Variants in WLS observed in about 807,000 individuals in gnomAD.
WLS encodes the protein Wnt ligand secretion mediator.
A neutral mutation model predicts 62.8 loss-of-function variants in WLS; 23 were observed. The ratio of observed to expected loss-of-function variants is 0.37; its 90% CI spans 0.26 to 0.52. The LOEUF (loss-of-function observed/expected upper bound fraction) is 0.52. WLS is among the 20% of genes least tolerant of loss of function. The pLI, the probability that WLS is intolerant of heterozygous loss-of-function variation, is 0.92. For missense variants in WLS, 615 were observed against 697.3 expected, an observed-to-expected ratio of 0.88 and a Z score of 1.33; for synonymous variants, 246 against 244.1, an observed-to-expected ratio of 1.01 and a Z score of -0.07.
At chr1:68,160,103 G>T (rs568564995) in intron 2 of WLS, among the ~76,000 whole-genome samples, 3 of 103,184 alleles carry the variant, frequency 2.9e-5, no homozygotes, top group African/African-American at 6.8e-5. Flanking sequence ...TGAGTATAAA[G>T]GTTTAATTCT....
At chr1:68,141,744 C>T (rs1235938454) in intron 10 of WLS, 2 of 152,160 alleles carry the variant, frequency 1.3e-5, no homozygotes, top group Non-Finnish European at 2.9e-5. Flanking sequence ...AATAGGTTTC[C>T]TTTCAGGTGA....
downstream of WLS, among the ~76,000 whole-genome samples, chr1:68,121,500 T>C (rs1376945306): frequency 5.3e-5 from 8 of 152,196 alleles, no homozygotes; most frequent in Non-Finnish European, 8.8e-5. Context: ...GGCCCCCCGA[T>C]GTCAGCAGAA....
chr1:68,230,674 G>C (rs924997705), intron 1 of WLS, among the ~76,000 whole-genome samples: 8 of 152,098 alleles, frequency 5.3e-5, no homozygotes, highest in African/African-American at 1.9e-4. Context: ...GGGGATAAGA[G>C]ATTGTTTGAA....
chr1:68,106,716 C>CTGTGTGTGTGTGTGTGTG (rs59601112), intron 11 of WLS, among the ~76,000 whole-genome samples: 5 of 146,712 alleles, frequency 3.4e-5, no homozygotes, highest in African/African-American at 7.6e-5. Flanking sequence ...GTGTTTGTCA[C>CTGTGTGTGTGTGTGTGTG]TGTGTGTGTG....
chr1:68,204,941 G>A (rs963545590), intron 1 of WLS, among the ~76,000 whole-genome samples: 1 of 152,218 alleles, frequency 6.6e-6, no homozygotes, highest in Admixed American at 6.5e-5. Context: ...ACTAAGCACA[G>A]AAACTTAAAC....
chr1:68,137,747 G>C, intron 11 of WLS, 33 bp downstream of exon 11: 1 of 1,604,746 alleles, frequency 6.2e-7, no homozygotes, highest in Non-Finnish European at 8.5e-7. Flanking sequence ...TATTTATCCT[G>C]ACTTAAGCTG....
chr1:68,175,874 A>G (rs1025408171), intron 2 of WLS, among the ~76,000 whole-genome samples: 5 of 152,242 alleles, frequency 3.3e-5, no homozygotes, highest in Non-Finnish European at 7.3e-5. Context: ...CGGAAAATAC[A>G]TTTGTGCTGC....
At chr1:68,188,231 T>C (rs1168717469) in intron 2 of WLS, among the ~76,000 whole-genome samples, 7 of 152,312 alleles carry the variant, frequency 4.6e-5, no homozygotes, top group South Asian at 2.1e-4. Context: ...GTAAAAAATA[T>C]AGGAGCAGTG....
intron 1 of WLS, among the ~76,000 whole-genome samples, chr1:68,204,285 C>T (rs973001692): frequency 2.6e-5 from 4 of 152,022 alleles, no homozygotes; most frequent in African/African-American, 9.7e-5. Flanking sequence ...GGGTAACTTG[C>T]AGTTTTAACA....
chr1:68,158,996 C>A lies in WLS; in HGVS notation c.504+127G>T, dbSNP rs562756348. ...GGAGAGAAGAGGAAATAAAATGCTCCGCAGAGCAGGTATTACCAAAGCTGT... is the reference window on the plus strand; with the variant it reads ...GGAGAGAAGAGGAAATAAAATGCTCAGCAGAGCAGGTATTACCAAAGCTGT... On this transcript the variant is annotated intron_variant, in intron 3 of 11. Coordinates refer to ENST00000262348, the MANE Select transcript of WLS (RefSeq NM_024911.7). 4 of 1,253,148 alleles carry A rather than the reference C, an allele frequency of 3.2e-6. No homozygotes were observed. In the South Asian group the frequency reaches 6.4e-5, roughly 20 times the overall value. 77.6% of individuals were successfully genotyped at this position (1,253,148 alleles called of 1,614,324 possible). A position where few individuals can be genotyped will look rare whatever the true frequency, so the allele number is the denominator to read the frequency against.
chr1:68,132,704 C>T (rs1646544835), intron 11 of WLS, among the ~76,000 whole-genome samples: 1 of 152,170 alleles, frequency 6.6e-6, no homozygotes, highest in Non-Finnish European at 1.5e-5. Context: ...CCCTCTGCCA[C>T]AGTCATCTAG....
chr1:68,224,403 C>T (rs1380469855), intron 1 of WLS, among the ~76,000 whole-genome samples: 1 of 152,110 alleles, frequency 6.6e-6, no homozygotes, highest in Non-Finnish European at 1.5e-5. Context: ...TATATTCTAC[C>T]CCCATCTTCC....
intron 1 of WLS, among the ~76,000 whole-genome samples, chr1:68,218,364 A>T (rs1649818461): frequency 6.6e-6 from 1 of 152,184 alleles, no homozygotes; most frequent in African/African-American, 2.4e-5. Context: ...AATTCAAACA[A>T]GAAATCGTAC....
At chr1:68,124,055 A>G (rs900649265), downstream of WLS, among the ~76,000 whole-genome samples, 2 of 152,058 alleles carry the variant, frequency 1.3e-5, no homozygotes, top group African/African-American at 2.4e-5. Flanking sequence ...AACCCCACCC[A>G]TTCCCTTCCC....
chr1:68,115,485 A>G (rs916355092), intron 11 of WLS, among the ~76,000 whole-genome samples: 8 of 152,208 alleles, frequency 5.3e-5, no homozygotes, highest in Non-Finnish European at 1.0e-4. Flanking sequence ...GTGATAATGA[A>G]GTCAGTCGGG....
chr1:68,155,447 C>T (rs1646883382), intron 3 of WLS, among the ~76,000 whole-genome samples, 187 bp from the exon 4 acceptor site: 1 of 152,166 alleles, frequency 6.6e-6, no homozygotes, highest in South Asian at 2.1e-4. Flanking sequence ...CTAAAACAAA[C>T]ATCAACAACA....
chr1:68,136,608 C>T (rs917053066), intron 11 of WLS, among the ~76,000 whole-genome samples: 1 of 152,204 alleles, frequency 6.6e-6, no homozygotes, highest in African/African-American at 2.4e-5. Context: ...TGCTGATCAA[C>T]TCAATCATTC....
rs750231429 is a variant in WLS, at chr1:68,155,191, G to A, written c.574C>T (p.His192Tyr). 23 of 1,613,588 alleles carry A rather than the reference G, an allele frequency of 1.4e-5. No homozygotes were observed. Among genetic ancestry groups the A allele is most frequent in the Non-Finnish European group, 1.9e-5 (22 of 1,179,864 alleles). Reference sequence around the variant, plus strand: ...CGGATGTTTAAAAGGTAAAACTTATGGGCCACAGACCCAATTTCCATGAAA... The same window carrying A: ...CGGATGTTTAAAAGGTAAAACTTATAGGCCACAGACCCAATTTCCATGAAA... ...LPFMEIGSVAHKFYLLNIRLP... is the reference protein window; with the variant it reads ...LPFMEIGSVAYKFYLLNIRLP... Residue 192 changes from histidine (H) to tyrosine (Y), a missense_variant, in exon 4 of 12, where the codon CAT becomes TAT. Transcript: ENST00000262348.
Position 68,232,383 on chromosome 1 carries a change from C to A in WLS, c.-84G>T. The A allele has an allele frequency of 6.6e-7, 1 of 1,513,142 alleles. No individual in the cohort carries two copies. Among genetic ancestry groups the A allele is most frequent in the Non-Finnish European group, 8.9e-7 (1 of 1,128,078 alleles). The allele number at this position is 1,513,142 out of a possible 1,614,324, so 93.7% of individuals were successfully genotyped here. ...GCTCCCTCCTCTCACACACTCCCTC[C>A]TTCCTCGCCTCCTTTCTGGGCGCTG... is the stretch of plus-strand genomic sequence containing the variant. On this transcript the variant is annotated 5_prime_UTR_variant, in exon 1 of 12. It adds an upstream start codon to the 5' untranslated region. Coordinates refer to ENST00000262348, the MANE Select transcript of WLS (RefSeq NM_024911.7).
Sources: allele counts gnomAD v4.1 joint callset (sites outside exome capture counted in the v4.1 genomes callset), GRCh38; gene constraint gnomAD v4.1.1; transcripts MANE v1.5; gene names NCBI Gene and HGNC (gene_info 2026-07-23, HGNC 2026-07-21).